The following MSRA variants were observed in gnomAD, a reference collection of about 807,000 sequenced individuals.
The protein encoded by MSRA is mitochondrial peptide methionine sulfoxide reductase.
In MSRA, 54 loss-of-function variants were observed where a neutral mutation model predicts 31.3. The observed-to-expected ratio is 1.73, with a 90% CI of 1.39 to 2.17. The LOEUF is 2.17. Among genes scored for constraint, MSRA ranks in the 30% most tolerant of loss-of-function variants. The probability of loss-of-function intolerance (pLI) is 0.00; values close to 1 mark genes in which losing one functional copy is unlikely to be tolerated. For missense variants in MSRA, 507 were observed against 300.9 expected, an observed-to-expected ratio of 1.69 and a Z score of -5.07; for synonymous variants, 169 against 116.5, an observed-to-expected ratio of 1.45 and a Z score of -2.90.
chr8:10,090,794 C>A (rs1427093896), intron 1 of MSRA, among the ~76,000 whole-genome samples: 1 of 152,200 alleles, frequency 6.6e-6, no homozygotes, highest in Non-Finnish European at 1.5e-5. Flanking sequence ...AATATGCGGA[C>A]TTCTGTGTCT....
chr8:10,054,412 C>G lies in MSRA; in HGVS notation c.-105C>G. The G allele has an allele frequency of 1.5e-5, 12 of 792,030 alleles. No individual in the cohort carries two copies. The highest frequency in any genetic ancestry group is 1.8e-5 in the African/African-American group (1 of 54,104). 49.1% of individuals were successfully genotyped at this position (792,030 alleles called of 1,614,324 possible). ...CCGCGCCCGCCCGCCCGCGCCCCTG[C>G]CGCCCCCCGGTTCCGGCCGCGGACC... On this transcript the variant is annotated 5_prime_UTR_variant, in exon 1 of 6. Transcript: ENST00000317173.
intron 5 of MSRA, among the ~76,000 whole-genome samples, chr8:10,422,194 A>G (rs1037511351): frequency 6.6e-6 from 1 of 152,206 alleles, no homozygotes; most frequent in African/African-American, 2.4e-5. Context: ...GCTGAGGTAC[A>G]AGGATCGCTT....
intron 5 of MSRA, among the ~76,000 whole-genome samples, chr8:10,409,196 G>A (rs12550717): frequency 0.3 from 46,328 of 152,144 alleles, 7,514 homozygotes; most frequent in Non-Finnish European, 0.37. Flanking sequence ...CAGTGTGTAA[G>A]CATTCCCTTT....
At chr8:10,134,797 G>C in intron 1 of MSRA, among the ~76,000 whole-genome samples, 1 of 152,372 alleles carries the variant, frequency 6.6e-6, no homozygotes, top group Middle Eastern at 3.4e-3. Flanking sequence ...ATATCTTTAA[G>C]TCTTTGATTA....
intron 1 of MSRA, among the ~76,000 whole-genome samples, chr8:10,197,267 C>G (rs1808074513): frequency 6.6e-6 from 1 of 151,994 alleles, no homozygotes; most frequent in Admixed American, 6.6e-5. Context: ...ATCACAGACG[C>G]CTAAGTTAGA....
At chr8:10,149,413 C>T (rs537705853) in intron 1 of MSRA, among the ~76,000 whole-genome samples, 43 of 152,178 alleles carry the variant, frequency 2.8e-4, no homozygotes, top group Non-Finnish European at 4.1e-4. Flanking sequence ...CGTGAGCCAC[C>T]GCGCCCGGCT....
At chr8:10,305,823 G>T (rs1435758527) in intron 4 of MSRA, among the ~76,000 whole-genome samples, 1 of 152,208 alleles carries the variant, frequency 6.6e-6, no homozygotes, top group African/African-American at 2.4e-5. Flanking sequence ...ACAGCCACTA[G>T]ACAGTGAGTC....
intron 5 of MSRA, among the ~76,000 whole-genome samples, chr8:10,358,016 G>T (rs758503626): frequency 4.6e-5 from 7 of 152,174 alleles, no homozygotes; most frequent in Non-Finnish European, 8.8e-5. Flanking sequence ...TCTGCTTCCT[G>T]GGTCCAAGCA....
chr8:10,228,680 G>A (rs1811206711), intron 2 of MSRA, among the ~76,000 whole-genome samples: 1 of 152,084 alleles, frequency 6.6e-6, no homozygotes, highest in African/African-American at 2.4e-5. Context: ...TTCCTTCATG[G>A]GAATCCAGAG....
chr8:10,155,363 G>T (rs1804060931), intron 1 of MSRA, among the ~76,000 whole-genome samples: 1 of 152,154 alleles, frequency 6.6e-6, no homozygotes, highest in Non-Finnish European at 1.5e-5. Flanking sequence ...GTATCAGTAT[G>T]AAGTCATGTT....
chr8:10,296,484 C>A, intron 3 of MSRA, among the ~76,000 whole-genome samples: 1 of 152,108 alleles, frequency 6.6e-6, no homozygotes, highest in African/African-American at 2.4e-5. Context: ...GTAGGACACC[C>A]GGGATCACAG....
chr8:10,093,150 A>T (rs371638496), intron 1 of MSRA, among the ~76,000 whole-genome samples: 2 of 152,066 alleles, frequency 1.3e-5, no homozygotes, highest in African/African-American at 2.4e-5. Flanking sequence ...CTGCCAATCT[A>T]TGTCTTTTAA....
At chr8:10,140,908 GA>G (rs910275851) in intron 1 of MSRA, among the ~76,000 whole-genome samples, 2 of 151,692 alleles carry the variant, frequency 1.3e-5, no homozygotes, top group African/African-American at 4.8e-5. Flanking sequence ...CAGTAATAAA[GA>G]AAAAAAATCA....
In MSRA at chr8:10,095,543, G is replaced by A. The variant is rs944955580; in HGVS notation, c.142+40885G>A. The A allele has an allele frequency of 4.1e-6, 4 of 985,630 alleles. No individual in the cohort carries two copies. In the East Asian group the frequency reaches 4.5e-4, roughly 112 times the overall value. The allele number at this position is 985,630 out of a possible 1,614,324, so 61.1% of individuals were successfully genotyped here. ...GACTGCTCGGAAGGTTGCCATACTG[G>A]GAGCAAAAGAGTGAGAGAGAGAAAG... is the stretch of plus-strand genomic sequence containing the variant. On this transcript the variant is annotated intron_variant, in intron 1 of 5. Transcript: ENST00000317173.
intron 3 of MSRA, among the ~76,000 whole-genome samples, chr8:10,246,584 G>A (rs1797634654): frequency 6.6e-6 from 1 of 152,162 alleles, no homozygotes; most frequent in Non-Finnish European, 1.5e-5. Flanking sequence ...AGCCCTCCAA[G>A]GGCACCATGA....
At chr8:10,115,941 C>T (rs564889115) in intron 1 of MSRA, among the ~76,000 whole-genome samples, 2 of 152,282 alleles carry the variant, frequency 1.3e-5, no homozygotes, top group South Asian at 4.1e-4. Context: ...GTGGTGGGGA[C>T]CATAGGGCCA....
intron 5 of MSRA, among the ~76,000 whole-genome samples, chr8:10,363,510 G>A (rs1367740993): frequency 1.3e-5 from 2 of 152,088 alleles, no homozygotes; most frequent in Non-Finnish European, 2.9e-5. Flanking sequence ...GCCCTACCGT[G>A]CCTGTCTTGT....
At chr8:10,124,418 A>G (rs1359001623) in intron 1 of MSRA, among the ~76,000 whole-genome samples, 2 of 152,182 alleles carry the variant, frequency 1.3e-5, no homozygotes, top group African/African-American at 4.8e-5. Flanking sequence ...TTCTGTAAGC[A>G]CAAAATTTGT....
chr8:10,207,387 G>A (rs1396432572), intron 1 of MSRA, among the ~76,000 whole-genome samples: 2 of 152,204 alleles, frequency 1.3e-5, no homozygotes, highest in African/African-American at 2.4e-5. Flanking sequence ...GCTCCCAATG[G>A]AACCTTGCCC....
Sources: gnomAD v4.1 joint callset for allele counts (sites outside exome capture counted in the v4.1 genomes callset) on GRCh38, gnomAD v4.1.1 for gene constraint, MANE v1.5 for transcripts, NCBI Gene and HGNC (gene_info 2026-07-23, HGNC 2026-07-21) for gene names.